Variants in NINL observed in about 807,000 individuals in gnomAD.
NINL encodes ninein-like protein.
NINL carries 153 observed loss-of-function variants against 160.3 expected under a neutral mutation model. The observed-to-expected ratio is 0.95, with a 90% confidence interval of 0.84 to 1.09. The LOEUF is 1.09. Ranked by LOEUF, NINL falls within the 50% of genes least tolerant of loss-of-function variation. The probability of loss-of-function intolerance (pLI) is 0.00; values close to 1 mark genes in which losing one functional copy is unlikely to be tolerated. For missense variants in NINL, 1,829 were observed against 1,764.0 expected, an observed-to-expected ratio of 1.04 and a Z score of -0.66; for synonymous variants, 800 against 734.8, an observed-to-expected ratio of 1.09 and a Z score of -1.43.
At chr20:25,473,494 T>TAAATAAAATAAATAAAATAAAATAAAATA (rs2063155232) in intron 17 of NINL, among the ~76,000 whole-genome samples, 1 of 142,124 alleles carries the variant, frequency 7.0e-6, no homozygotes, top group African/African-American at 2.6e-5. Flanking sequence ...AATAATAAAA[T>TAAATAAAATAAATAAAATAAAATAAAATA]AAATAAAATA....
chr20:25,552,547 C>T (rs528514900), intron 1 of NINL, among the ~76,000 whole-genome samples: 4 of 152,344 alleles, frequency 2.6e-5, no homozygotes, highest in Non-Finnish European at 4.4e-5. Context: ...AGCTTTTGTT[C>T]CAAGCCATGC....
At chr20:25,571,397 G>A (rs2065053595) in intron 1 of NINL, among the ~76,000 whole-genome samples, 1 of 152,182 alleles carries the variant, frequency 6.6e-6, no homozygotes, top group African/African-American at 2.4e-5. Context: ...AGACCCTCCA[G>A]CACTCCTCGA....
chr20:25,513,770 C>T (rs572590820), intron 3 of NINL, among the ~76,000 whole-genome samples: 1 of 152,314 alleles, frequency 6.6e-6, no homozygotes, highest in Admixed American at 6.5e-5. Context: ...GCTCTCTCTT[C>T]CTCCTTCTCC....
chr20:25,548,880 G>C (rs1200698684), intron 1 of NINL, among the ~76,000 whole-genome samples: 301 of 69,508 alleles, frequency 4.3e-3, no homozygotes, highest in Middle Eastern at 0.014. Flanking sequence ...CACGGCCACA[G>C]GTCCCACACC....
intron 22 of NINL, among the ~76,000 whole-genome samples, chr20:25,457,858 TG>T (rs2090728845): frequency 1.3e-5 from 2 of 152,176 alleles, no homozygotes; most frequent in South Asian, 2.1e-4. Context: ...GCCTTTTAGG[TG>T]GACACTACTG....
At chr20:25,525,810 A>G (rs1438457586) in intron 2 of NINL, among the ~76,000 whole-genome samples, 1 of 152,194 alleles carries the variant, frequency 6.6e-6, no homozygotes, top group East Asian at 1.9e-4. Context: ...TTTGATCATG[A>G]AAGCAGGTTG....
At chr20:25,457,092 G>A (rs545368660) in intron 22 of NINL, among the ~76,000 whole-genome samples, 165 of 152,190 alleles carry the variant, frequency 1.1e-3, no homozygotes, top group Non-Finnish European at 1.9e-3. Context: ...TTGGGAGACC[G>A]AGGCGGGTGG....
intron 1 of NINL, among the ~76,000 whole-genome samples, chr20:25,554,016 G>T (rs2064834401): frequency 6.6e-6 from 1 of 152,254 alleles, no homozygotes; most frequent in Non-Finnish European, 1.5e-5. Flanking sequence ...GACCTGGCAG[G>T]CAGGGCACGG....
intron 2 of NINL, among the ~76,000 whole-genome samples, chr20:25,518,136 C>T (rs1001706022): frequency 2.0e-5 from 3 of 152,230 alleles, no homozygotes; most frequent in African/African-American, 7.2e-5. Context: ...AAACGTTACA[C>T]ATAAGGTGAA....
intron 19 of NINL, among the ~76,000 whole-genome samples, chr20:25,464,548 G>A (rs2062864817): frequency 6.6e-6 from 1 of 152,116 alleles, no homozygotes; most frequent in African/African-American, 2.4e-5. Context: ...GCTCCTAGCC[G>A]ACAACACTCC....
chr20:25,464,810 G>C (rs422424), intron 19 of NINL, among the ~76,000 whole-genome samples: 69,026 of 152,010 alleles, frequency 0.45, 16,275 homozygotes, highest in East Asian at 0.92. Flanking sequence ...CAGCTTCTGT[G>C]TCTCATGACT....
At chr20:25,546,113 T>A (rs996646269) in intron 1 of NINL, among the ~76,000 whole-genome samples, 1 of 152,070 alleles carries the variant, frequency 6.6e-6, no homozygotes, top group Non-Finnish European at 1.5e-5. Flanking sequence ...CCTAACTGCC[T>A]CAGGACCACT....
Position 25,473,247 on chromosome 20 carries a change from A to G in NINL, c.3248+2796T>C, listed in dbSNP as rs2063148203. ...GGCGCTGGTAACACAGACGTGTTCA[A>G]TTTGTTGACAATTCTCCTAATTGTA... On this transcript the variant is annotated intron_variant, in intron 17 of 23. Transcript: ENST00000278886. 5.3e-5 allele frequency among the ~76,000 whole-genome samples: 8 copies of G among 152,262 alleles called. No homozygotes were observed. The South Asian group carries it at 1.7e-3, about 32-fold the overall frequency.
chr20:25,533,685 T>C (rs935806769), intron 1 of NINL, among the ~76,000 whole-genome samples: 1 of 152,178 alleles, frequency 6.6e-6, no homozygotes, highest in Non-Finnish European at 1.5e-5. Flanking sequence ...GGAAAAAGAC[T>C]GTCTCTCCAA....
At chr20:25,568,584 A>AT (rs2065019944) in intron 1 of NINL, among the ~76,000 whole-genome samples, 1 of 151,524 alleles carries the variant, frequency 6.6e-6, no homozygotes, top group Admixed American at 6.6e-5. Context: ...TATTTTTTAA[A>AT]TTTTTTTGTA....
At position 25,525,515 on chromosome 20, in the gene NINL, G is replaced by A. The variant is rs529057579; in HGVS notation, c.180+893C>T. On this transcript the variant is annotated intron_variant, in intron 2 of 23. Coordinates refer to ENST00000278886, the MANE Select transcript of NINL (RefSeq NM_025176.6). ...AAAAAAATACAAAAATTAGGCCGGT[G>A]TGGTGGTGCAGGCCTGTAGTCCCAG... Among the ~76,000 whole-genome samples, 6 of 152,272 alleles carry A rather than the reference G, an allele frequency of 3.9e-5. No individual in the cohort carries two copies. In the East Asian group the frequency reaches 1.2e-3, roughly 29 times the overall value.
chr20:25,526,389 A>T lies in NINL; in HGVS notation c.180+19T>A, dbSNP rs373194917. ...TAGACCCCGTGCTTTCCTTTATGAC[A>T]ATGAAGTCCAACACTCACCCTGGCG... On this transcript the variant is annotated intron_variant, in intron 2 of 23. Coordinates refer to ENST00000278886, the MANE Select transcript of NINL (RefSeq NM_025176.6). The T allele has an allele frequency of 6.3e-7, 1 of 1,597,736 alleles. No individual in the cohort carries two copies. Among genetic ancestry groups the T allele is most frequent in the African/African-American group, 1.3e-5 (1 of 74,666 alleles).
Position 25,526,612 on chromosome 20 carries a change from A to C in NINL, c.-11-14T>G. ...TCCCATAGCAGGCTGGCAGTGTGCA[A>C]GGGAAGAAGAAAACATCAGGACACT... On this transcript the variant is annotated splice_polypyrimidine_tract_variant and intron_variant, in intron 1 of 23. Transcript: ENST00000278886. 6.2e-7 allele frequency: 1 copy of C among 1,605,516 alleles called. No individual in the cohort carries two copies.
chr20:25,458,636 G>C lies in NINL; in HGVS notation c.3697-107C>G, dbSNP rs190066083. On this transcript the variant is annotated intron_variant, in intron 21 of 23. Coordinates refer to ENST00000278886, the MANE Select transcript of NINL (RefSeq NM_025176.6). ...CCACCTGCAAGGGCAAGGAAAGCGT[G>C]TGCTCCCGAGTATGCAGCAGCACCT... The C allele has an allele frequency of 1.9e-5, 22 of 1,162,038 alleles. No individual in the cohort carries two copies. In the East Asian group the frequency reaches 5.2e-4, roughly 27 times the overall value. 72.0% of individuals were successfully genotyped at this position (1,162,038 alleles called of 1,614,324 possible). A position where few individuals can be genotyped will look rare whatever the true frequency, so the allele number is the denominator to read the frequency against.
Sources: allele counts gnomAD v4.1 joint callset (sites outside exome capture counted in the v4.1 genomes callset), GRCh38; gene constraint gnomAD v4.1.1; transcripts MANE v1.5; gene names NCBI Gene and HGNC (gene_info 2026-07-23, HGNC 2026-07-21).